ARRB1: variants seen among roughly 807,000 people sequenced by gnomAD.
The protein encoded by ARRB1 is beta-arrestin-1.
A neutral mutation model predicts 56.8 loss-of-function variants in ARRB1; 21 were observed. That is an observed-to-expected ratio of 0.37 (90% CI 0.26 to 0.53). The LOEUF is 0.53. ARRB1 is among the 20% of genes least tolerant of loss of function. The pLI is 0.88. For missense variants in ARRB1, 424 were observed against 553.7 expected (o/e 0.77, Z 2.35); for synonymous variants, 210 against 218.6 (o/e 0.96, Z 0.35).
intron 1 of ARRB1, among the ~76,000 whole-genome samples, chr11:75,325,828 T>C (rs973036966): frequency 7.2e-5 from 11 of 152,096 alleles, no homozygotes; most frequent in Admixed American, 7.2e-4. Flanking sequence ...ACCTTGTGCG[T>C]AAAGGGACCT....
chr11:75,324,697 A>G (rs1210502181), intron 1 of ARRB1, among the ~76,000 whole-genome samples: 9 of 151,706 alleles, frequency 5.9e-5, no homozygotes, highest in Non-Finnish European at 2.9e-5. Context: ...CCTGACTCCA[A>G]CTCCACCTGC....
Position 75,276,773 on chromosome 11 carries a change from A to G in ARRB1, c.776+66T>C, listed in dbSNP as rs1946209197. 12 of 1,536,708 alleles carry G rather than the reference A, an allele frequency of 7.8e-6. No homozygotes were observed. In the East Asian group the frequency reaches 2.5e-4, roughly 32 times the overall value. ...AAGAGCCACCTGGACCTGTAACAGG[A>G]CACCTAGAGCTTCTCTTTTTCCCAC... On this transcript the variant is annotated intron_variant, in intron 10 of 15. Coordinates refer to ENST00000420843, the MANE Select transcript of ARRB1 (RefSeq NM_004041.5).
At chr11:75,304,490 G>A (rs1475054880) in intron 1 of ARRB1, among the ~76,000 whole-genome samples, 1 of 152,000 alleles carries the variant, frequency 6.6e-6, no homozygotes, top group South Asian at 2.1e-4. Flanking sequence ...GTGCTGAGCT[G>A]GCTTGTACAG....
chr11:75,343,272 A>G (rs780416828), intron 1 of ARRB1, among the ~76,000 whole-genome samples: 2 of 152,208 alleles, frequency 1.3e-5, no homozygotes, highest in Admixed American at 6.5e-5. Flanking sequence ...AGGGCTTCCC[A>G]GAGGAAGAGG....
At chr11:75,342,655 C>T (rs1161572127) in intron 1 of ARRB1, among the ~76,000 whole-genome samples, 2 of 152,164 alleles carry the variant, frequency 1.3e-5, no homozygotes, top group Non-Finnish European at 2.9e-5. Context: ...ATGCCACTGC[C>T]CACACCCGGG....
chr11:75,350,131 G>A (rs1227535206), intron 1 of ARRB1, among the ~76,000 whole-genome samples: 1 of 152,222 alleles, frequency 6.6e-6, no homozygotes, highest in Non-Finnish European at 1.5e-5. Flanking sequence ...TCCTCCTCTA[G>A]AAAATGGAAA....
intron 1 of ARRB1, among the ~76,000 whole-genome samples, chr11:75,308,367 C>T (rs561079360): frequency 1.2e-4 from 18 of 152,324 alleles, no homozygotes; most frequent in Middle Eastern, 3.4e-3. Context: ...AGCCCAGAGA[C>T]AGCACTAAGT....
chr11:75,302,186 G>C (rs888415693), intron 1 of ARRB1, among the ~76,000 whole-genome samples: 1 of 152,206 alleles, frequency 6.6e-6, no homozygotes, highest in Non-Finnish European at 1.5e-5. Flanking sequence ...GGGGTCAGGG[G>C]TGGTGGCTGG....
chr11:75,303,617 C>CCGGTGT (rs1400040541), intron 1 of ARRB1: 3 of 456,188 alleles, frequency 6.6e-6, no homozygotes, highest in Admixed American at 2.3e-5. Flanking sequence ...GGTACAGGCC[C>CCGGTGT]CGGTGTCGGT....
intron 1 of ARRB1, among the ~76,000 whole-genome samples, chr11:75,321,111 G>A (rs751110836): frequency 1.3e-5 from 2 of 152,140 alleles, no homozygotes; most frequent in Non-Finnish European, 2.9e-5. Flanking sequence ...TCCCTCACCT[G>A]CACACCTGCT....
In ARRB1 at chr11:75,272,943, A is replaced by G. The variant is rs748651624; in HGVS notation, c.950T>C (p.Ile317Thr). ...CACTTTCACTTTGTAGGAAACAATG[A>G]TCCCCAGGATCTCACGGTTGGCACC... ...REGANREILG[I>T]IVSYKVKVKL... The change falls in exon 12 of 16, where the codon ATC (isoleucine) becomes ACC (threonine). Residue 317 changes from isoleucine to threonine, a missense_variant. Coordinates refer to ENST00000420843, the MANE Select transcript of ARRB1 (RefSeq NM_004041.5). The G allele has an allele frequency of 4.3e-6, 7 of 1,613,956 alleles. No individual in the cohort carries two copies. The highest frequency in any genetic ancestry group is 5.1e-6 in the Non-Finnish European group (6 of 1,179,952).
chr11:75,328,414 C>T (rs1947473274), intron 1 of ARRB1, among the ~76,000 whole-genome samples: 1 of 152,166 alleles, frequency 6.6e-6, no homozygotes, highest in Non-Finnish European at 1.5e-5. Flanking sequence ...CTGCCTGTTC[C>T]TCCTCCCTAA....
intron 1 of ARRB1, among the ~76,000 whole-genome samples, chr11:75,292,507 T>G (rs1412400397): frequency 6.6e-6 from 1 of 152,158 alleles, no homozygotes; most frequent in Non-Finnish European, 1.5e-5. Flanking sequence ...GGTGTGATAA[T>G]TGCTAAAGTG....
intron 3 of ARRB1, among the ~76,000 whole-genome samples, chr11:75,286,083 CT>C (rs1315990904): frequency 6.6e-6 from 1 of 152,074 alleles, no homozygotes; most frequent in African/African-American, 2.4e-5. Flanking sequence ...TGACAGCCCC[CT>C]GGCCCTGGGA....
chr11:75,297,295 A>G (rs1946774221), intron 1 of ARRB1, among the ~76,000 whole-genome samples: 1 of 152,160 alleles, frequency 6.6e-6, no homozygotes, highest in African/African-American at 2.4e-5. Context: ...GAACCAAGTT[A>G]GAAGACTCAC....
intron 1 of ARRB1, among the ~76,000 whole-genome samples, chr11:75,329,804 G>A (rs1022142648): frequency 1.3e-5 from 2 of 152,072 alleles, no homozygotes; most frequent in African/African-American, 4.8e-5. Flanking sequence ...ACCAGCCTGG[G>A]CAACATAGTA....
chr11:75,320,890 G>T (rs968166755), intron 1 of ARRB1, among the ~76,000 whole-genome samples: 2 of 152,132 alleles, frequency 1.3e-5, no homozygotes, highest in Admixed American at 1.3e-4. Context: ...GCCTTCATGG[G>T]GGCCTTTTCC....
Position 75,316,093 on chromosome 11 carries a change from C to T in ARRB1, c.21-26054G>A, listed in dbSNP as rs139603512. Among the ~76,000 whole-genome samples, 1,370 of 152,000 alleles carry T rather than the reference C, an allele frequency of 9.0e-3. 8 individuals are homozygous for T. The highest frequency in any genetic ancestry group is 0.034 in the Middle Eastern group (10 of 292). On this transcript the variant is annotated intron_variant, in intron 1 of 15. Transcript: ENST00000420843. ...CTGTAATCCCAGCACTTTAGGAGGC[C>T]GAGGCAGACAGATCACCTGAGATCA...
At chr11:75,313,002 G>C (rs184064210) in intron 1 of ARRB1, among the ~76,000 whole-genome samples, 44 of 152,294 alleles carry the variant, frequency 2.9e-4, no homozygotes, top group African/African-American at 9.4e-4. Flanking sequence ...AGACTAATAC[G>C]ACAGACATTC....
Sources: gnomAD v4.1 joint callset for allele counts (sites outside exome capture counted in the v4.1 genomes callset) on GRCh38, gnomAD v4.1.1 for gene constraint, MANE v1.5 for transcripts, NCBI Gene and HGNC (gene_info 2026-07-23, HGNC 2026-07-21) for gene names.